Variants in MGAT4C observed in about 807,000 individuals in gnomAD.
MGAT4C encodes the protein MGAT4 family member C, also known as alpha-1,3-mannosyl-glycoprotein 4-beta-N-acetylglucosaminyltransferase C.
Under a neutral mutation model 40.1 loss-of-function variants are expected in MGAT4C, and 19 were observed. That is an observed-to-expected ratio of 0.47 (90% CI 0.33 to 0.70). The LOEUF is 0.70. Ranked by LOEUF, MGAT4C falls within the 30% of genes least tolerant of loss-of-function variation. The pLI, the probability that MGAT4C is intolerant of heterozygous loss-of-function variation, is 0.02. For missense variants in MGAT4C, 491 were observed against 563.2 expected (o/e 0.87, Z 1.30); for synonymous variants, 181 against 187.1 (o/e 0.97, Z 0.27).
chr12:86,810,437 T>G (rs1385323208), intron 1 of MGAT4C, among the ~76,000 whole-genome samples: 1 of 152,008 alleles, frequency 6.6e-6, no homozygotes, highest in Non-Finnish European at 1.5e-5. Flanking sequence ...GCATTCAGTC[T>G]TTCACCATAA....
chr12:86,639,705 T>TA (rs1315024676), intron 2 of MGAT4C, among the ~76,000 whole-genome samples: 1 of 151,742 alleles, frequency 6.6e-6, no homozygotes, highest in Non-Finnish European at 1.5e-5. Context: ...ATGTGTCAGA[T>TA]AAAATCTCCC....
chr12:86,342,996 GA>G (rs1314076090), intron 3 of MGAT4C, among the ~76,000 whole-genome samples: 4 of 151,998 alleles, frequency 2.6e-5, no homozygotes, highest in Non-Finnish European at 5.9e-5. Flanking sequence ...AAAAACTAAA[GA>G]GTAATAAAAC....
chr12:86,031,230 T>A (rs1890729158), intron 2 of MGAT4C, among the ~76,000 whole-genome samples: 1 of 151,854 alleles, frequency 6.6e-6, no homozygotes, highest in Middle Eastern at 3.2e-3. Flanking sequence ...GAACTAATAA[T>A]AACTGAGTGA....
chr12:86,200,127 GTTTTT>G (rs56844963), intron 1 of MGAT4C, among the ~76,000 whole-genome samples: 2 of 102,356 alleles, frequency 2.0e-5, no homozygotes, highest in Non-Finnish European at 3.7e-5. Context: ...GTATGTATTT[GTTTTT>G]TTTTTTTTTT....
At chr12:86,546,663 T>C (rs1342210781) in intron 2 of MGAT4C, among the ~76,000 whole-genome samples, 3 of 152,118 alleles carry the variant, frequency 2.0e-5, no homozygotes, top group Non-Finnish European at 4.4e-5. Context: ...TGTGAAAGTG[T>C]ATTTACTCCA....
intron 1 of MGAT4C, among the ~76,000 whole-genome samples, chr12:86,117,166 C>T (rs1349159429): frequency 6.6e-6 from 1 of 152,072 alleles, no homozygotes; most frequent in Non-Finnish European, 1.5e-5. Context: ...CTCCTCATTT[C>T]CTTCAGAACA....
intron 1 of MGAT4C, among the ~76,000 whole-genome samples, chr12:86,764,005 A>T (rs1951452337): frequency 6.6e-6 from 1 of 152,098 alleles, no homozygotes; most frequent in Non-Finnish European, 1.5e-5. Flanking sequence ...AGTGCCAGAC[A>T]GTTGGTGCGG....
intron 3 of MGAT4C, among the ~76,000 whole-genome samples, chr12:86,343,846 G>A (rs994581905): frequency 6.6e-6 from 1 of 151,836 alleles, no homozygotes; most frequent in African/African-American, 2.4e-5. Context: ...CAGCAGGAAA[G>A]CTTTTTTTTT....
chr12:86,744,664 G>A (rs1338757905), intron 1 of MGAT4C, among the ~76,000 whole-genome samples: 2 of 151,382 alleles, frequency 1.3e-5, no homozygotes, highest in Non-Finnish European at 1.5e-5. Context: ...ACTATTTCAA[G>A]GTGCTTTATT....
At chr12:85,998,392 GC>G (rs1301543628) in intron 2 of MGAT4C, among the ~76,000 whole-genome samples, 1 of 152,130 alleles carries the variant, frequency 6.6e-6, no homozygotes, top group Non-Finnish European at 1.5e-5. Flanking sequence ...CATTACTTAT[GC>G]AAATTTCTGC....
intron 2 of MGAT4C, among the ~76,000 whole-genome samples, chr12:86,640,097 T>C (rs1963336189): frequency 6.6e-6 from 1 of 151,704 alleles, no homozygotes; most frequent in Admixed American, 6.6e-5. Flanking sequence ...TTTAACAAAT[T>C]AATATAAACA....
chr12:86,775,143 G>T (rs1359274889), intron 1 of MGAT4C, among the ~76,000 whole-genome samples: 3 of 152,110 alleles, frequency 2.0e-5, no homozygotes, highest in Non-Finnish European at 4.4e-5. Context: ...AAAATGCTTT[G>T]CACACAGGCA....
intron 2 of MGAT4C, among the ~76,000 whole-genome samples, chr12:86,473,117 G>A (rs1957779904): frequency 1.3e-5 from 2 of 152,072 alleles, no homozygotes; most frequent in South Asian, 2.1e-4. Flanking sequence ...CTCCACGTCC[G>A]GCTAATTTTT....
chr12:86,573,399 A>G (rs1490885320), intron 2 of MGAT4C, among the ~76,000 whole-genome samples: 2 of 152,058 alleles, frequency 1.3e-5, no homozygotes, highest in Non-Finnish European at 2.9e-5. Context: ...ATGATCCTAC[A>G]GTTCAGTGTT....
rs115898721 is a variant in MGAT4C, at chr12:86,455,882, C to A, written c.-228-20617G>T. Among the ~76,000 whole-genome samples the A allele has an allele frequency of 6.6e-3, 1,010 of 152,006 alleles. 9 individuals carry two copies. Among genetic ancestry groups the A allele is most frequent in the African/African-American group, 0.023 (963 of 41,486 alleles). On this transcript the variant is annotated intron_variant, in intron 2 of 7. Coordinates refer to the MGAT4C transcript ENST00000548651. ...TCATTCAGTACCCTGTCAAAAAAGA[C>A]AATTTTCAAGACAAGATTTATAACA...
At chr12:86,565,956 G>A (rs148334253) in intron 2 of MGAT4C, among the ~76,000 whole-genome samples, 30 of 152,228 alleles carry the variant, frequency 2.0e-4, no homozygotes, top group East Asian at 3.9e-4. Context: ...TACAGCTACC[G>A]CTGAGTGCCC....
intron 3 of MGAT4C, among the ~76,000 whole-genome samples, chr12:86,391,032 C>A (rs1352257445): frequency 6.6e-6 from 1 of 152,116 alleles, no homozygotes. Flanking sequence ...GCTACTGAGT[C>A]ACTTAATTTT....
chr12:86,113,202 T>C (rs1877762777), intron 1 of MGAT4C, among the ~76,000 whole-genome samples: 1 of 151,832 alleles, frequency 6.6e-6, no homozygotes, highest in Non-Finnish European at 1.5e-5. Flanking sequence ...ATTTTTAAAC[T>C]CTAATTTTGA....
chr12:86,047,741 A>G (rs1332940732), intron 2 of MGAT4C, among the ~76,000 whole-genome samples: 1 of 152,116 alleles, frequency 6.6e-6, no homozygotes, highest in Non-Finnish European at 1.5e-5. Context: ...TATCCTTATT[A>G]AAGATCTGAG....
Sources: allele counts gnomAD v4.1 joint callset (sites outside exome capture counted in the v4.1 genomes callset), GRCh38; gene constraint gnomAD v4.1.1; transcripts MANE v1.5; gene names NCBI Gene and HGNC (gene_info 2026-07-23, HGNC 2026-07-21).